CLSTN2: variants seen among roughly 807,000 people sequenced by gnomAD.
CLSTN2 encodes the protein calsyntenin-2.
CLSTN2 carries 48 observed loss-of-function variants against 101.2 expected under a neutral mutation model. The ratio of observed to expected loss-of-function variants is 0.47; its 90% CI spans 0.38 to 0.60. The LOEUF (loss-of-function observed/expected upper bound fraction) is 0.60, where lower values mean the gene tolerates loss of function less well. CLSTN2 is among the 20% of genes least tolerant of loss of function. The probability of loss-of-function intolerance (pLI) is 0.00; values close to 1 mark genes in which losing one functional copy is unlikely to be tolerated. For missense variants in CLSTN2, 1,160 were observed against 1,238.2 expected (o/e 0.94, Z 0.95); for synonymous variants, 481 against 463.6 (o/e 1.04, Z -0.48).
At chr3:140,091,753 A>G (rs1368211318) in intron 1 of CLSTN2, among the ~76,000 whole-genome samples, 1 of 152,170 alleles carries the variant, frequency 6.6e-6, no homozygotes, top group Non-Finnish European at 1.5e-5. Flanking sequence ...CCCATTAGGG[A>G]TTTTGTTGAT....
intron 6 of CLSTN2, among the ~76,000 whole-genome samples, chr3:140,452,291 C>G (rs1211038649): frequency 6.6e-6 from 1 of 151,976 alleles, no homozygotes; most frequent in East Asian, 1.9e-4. Context: ...GGTCAGGGCA[C>G]CTGCTTTGGT....
intron 1 of CLSTN2, among the ~76,000 whole-genome samples, chr3:139,942,472 G>T (rs1424564730): frequency 6.6e-6 from 1 of 152,158 alleles, no homozygotes; most frequent in African/African-American, 2.4e-5. Context: ...GCCCTCTTCT[G>T]ACTCCGTTTT....
intron 8 of CLSTN2, among the ~76,000 whole-genome samples, chr3:140,473,780 C>A (rs1324394371): frequency 6.6e-6 from 1 of 151,302 alleles, no homozygotes; most frequent in Non-Finnish European, 1.5e-5. Context: ...TTTTTTGAGA[C>A]AGAGTCTTGC....
chr3:139,987,286 A>G (rs559110154), intron 1 of CLSTN2, among the ~76,000 whole-genome samples: 1 of 152,366 alleles, frequency 6.6e-6, no homozygotes, highest in South Asian at 2.1e-4. Flanking sequence ...TAAAATGTTT[A>G]TACCCCTGCA....
chr3:140,017,550 G>A (rs1318905216), intron 1 of CLSTN2, among the ~76,000 whole-genome samples: 1 of 152,194 alleles, frequency 6.6e-6, no homozygotes, highest in South Asian at 2.1e-4. Context: ...GAGCTGAGCC[G>A]AGTGCCCCTC....
intron 2 of CLSTN2, among the ~76,000 whole-genome samples, chr3:140,350,578 C>T (rs376026109): frequency 3.6e-4 from 55 of 152,306 alleles, no homozygotes; most frequent in African/African-American, 1.2e-3. Flanking sequence ...GTGGGTACTT[C>T]CCCTGATTGG....
chr3:140,172,113 T>A (rs887278234), intron 1 of CLSTN2, among the ~76,000 whole-genome samples: 1 of 150,798 alleles, frequency 6.6e-6, no homozygotes, highest in Non-Finnish European at 1.5e-5. Context: ...AAACTATGAA[T>A]TAGGGTGTGA....
intron 1 of CLSTN2, among the ~76,000 whole-genome samples, chr3:140,002,911 C>A (rs1191061453): frequency 6.6e-6 from 1 of 152,078 alleles, no homozygotes; most frequent in Non-Finnish European, 1.5e-5. Context: ...TATTCTGTTC[C>A]ATTGGTCTGT....
intron 7 of CLSTN2, chr3:140,461,170 A>G (rs1411867768): frequency 6.6e-6 from 1 of 152,210 alleles, no homozygotes; most frequent in East Asian, 1.9e-4. Flanking sequence ...AAATGTTAAT[A>G]TATTTTCTGG....
intron 1 of CLSTN2, among the ~76,000 whole-genome samples, chr3:139,995,082 T>C (rs938641673): frequency 6.6e-6 from 1 of 152,094 alleles, no homozygotes; most frequent in Non-Finnish European, 1.5e-5. Context: ...CTGGGGACAA[T>C]TGGATCAAAA....
At chr3:140,122,965 A>G (rs915157031) in intron 1 of CLSTN2, among the ~76,000 whole-genome samples, 10 of 152,024 alleles carry the variant, frequency 6.6e-5, no homozygotes, top group Non-Finnish European at 1.5e-4. Flanking sequence ...TTGGAGAGGT[A>G]GTTAGTTCAT....
intron 2 of CLSTN2, among the ~76,000 whole-genome samples, chr3:140,371,915 T>C (rs1406178301): frequency 6.6e-6 from 1 of 152,166 alleles, no homozygotes. Context: ...AATACATTGA[T>C]GTTTCATGAT....
chr3:139,950,565 G>A (rs575282091), intron 1 of CLSTN2, among the ~76,000 whole-genome samples: 4 of 152,308 alleles, frequency 2.6e-5, no homozygotes, highest in East Asian at 1.9e-4. Flanking sequence ...AAAGTTTCAG[G>A]ATGGATAACG....
intron 1 of CLSTN2, among the ~76,000 whole-genome samples, chr3:139,955,025 G>C (rs1935363924): frequency 6.8e-6 from 1 of 147,352 alleles, no homozygotes; most frequent in South Asian, 2.2e-4. Context: ...GAGAGTGTTA[G>C]CATATATAAC....
chr3:140,279,079 A>G (rs2086821958), intron 2 of CLSTN2, among the ~76,000 whole-genome samples: 1 of 152,144 alleles, frequency 6.6e-6, no homozygotes, highest in Admixed American at 6.5e-5. Context: ...ACTATATATA[A>G]ATAGAATCAT....
At chr3:140,276,183 G>T (rs2086793038) in intron 2 of CLSTN2, among the ~76,000 whole-genome samples, 1 of 152,162 alleles carries the variant, frequency 6.6e-6, no homozygotes, top group Non-Finnish European at 1.5e-5. Context: ...AACAGTGGAA[G>T]ATGTGAAAGG....
intron 2 of CLSTN2, among the ~76,000 whole-genome samples, chr3:140,229,247 C>A (rs918496498): frequency 1.9e-4 from 29 of 152,154 alleles, no homozygotes; most frequent in Non-Finnish European, 1.5e-5. Context: ...ACGAGGAGCT[C>A]ATGATGTGTA....
intron 1 of CLSTN2, among the ~76,000 whole-genome samples, chr3:140,059,962 A>G (rs2008170892): frequency 6.6e-6 from 1 of 152,226 alleles, no homozygotes; most frequent in Non-Finnish European, 1.5e-5. Flanking sequence ...AGGAACTGGC[A>G]TAATACCCTA....
intron 2 of CLSTN2, among the ~76,000 whole-genome samples, chr3:140,383,648 T>A (rs2088016649): frequency 6.6e-6 from 1 of 152,244 alleles, no homozygotes; most frequent in Admixed American, 6.5e-5. Context: ...AATTAAATTA[T>A]CCTGGGCCTT....
Sources: allele counts gnomAD v4.1 joint callset (sites outside exome capture counted in the v4.1 genomes callset), GRCh38; gene constraint gnomAD v4.1.1; transcripts MANE v1.5; gene names NCBI Gene and HGNC (gene_info 2026-07-23, HGNC 2026-07-21).